Variants in TRDN observed in about 807,000 individuals in gnomAD.
The protein encoded by TRDN is triadin.
Under a neutral mutation model 149.7 loss-of-function variants are expected in TRDN, and 161 were observed. The ratio of observed to expected loss-of-function variants is 1.08; its 90% confidence interval spans 0.95 to 1.23. The LOEUF (loss-of-function observed/expected upper bound fraction) is 1.23, where lower values mean the gene tolerates loss of function less well. TRDN is among the 50% of genes most tolerant of loss of function. The pLI is 0.00. For synonymous variants in TRDN, 294 were observed against 250.5 expected (o/e 1.17, Z -1.64); for missense variants, 896 against 823.5 (o/e 1.09, Z -1.08).
chr6:123,464,586 C>G (rs1427466308), intron 10 of TRDN: 1 of 1,040,896 alleles, frequency 9.6e-7, no homozygotes, highest in Non-Finnish European at 1.2e-6. Context: ...CTAAATTGAT[C>G]AAGTTGTGGT....
At chr6:123,537,947 C>A (rs1489891627) in intron 4 of TRDN, among the ~76,000 whole-genome samples, 2 of 152,066 alleles carry the variant, frequency 1.3e-5, no homozygotes, top group Non-Finnish European at 2.9e-5. Flanking sequence ...ACTTACATGG[C>A]CAGTTTAAAG....
chr6:123,345,897 C>T lies in TRDN; in HGVS notation c.1369+6642G>A, dbSNP rs1292111856. On this transcript the variant is annotated intron_variant, in intron 21 of 40. Transcript: ENST00000334268. ...AACTGACTTTTGCATATTAACTTTG[C>T]GCCCTGAAACCTTGTTATATTCTGT... Among the ~76,000 whole-genome samples, 6 of 152,086 alleles carry T rather than the reference C, an allele frequency of 3.9e-5. No individual in the cohort carries two copies. The South Asian group carries it at 1.0e-3, about 26-fold the overall frequency.
intron 1 of TRDN, among the ~76,000 whole-genome samples, chr6:123,600,303 C>T (rs537815287): frequency 1.4e-4 from 21 of 152,194 alleles, no homozygotes; most frequent in South Asian, 4.2e-4. Flanking sequence ...AGAGTGCTCT[C>T]CCTTCCCTTA....
chr6:123,292,053 A>C (rs1295365538), intron 24 of TRDN, among the ~76,000 whole-genome samples: 1 of 151,758 alleles, frequency 6.6e-6, no homozygotes, highest in African/African-American at 2.4e-5. Flanking sequence ...TAAGTTGCTT[A>C]GAAGGAATTT....
chr6:123,502,757 C>A, intron 8 of TRDN: 5 of 984,812 alleles, frequency 5.1e-6, no homozygotes, highest in Non-Finnish European at 6.0e-6. Flanking sequence ...CCTTAGATAA[C>A]ATTAGTCAAA....
At chr6:123,600,408 C>T (rs948330648) in intron 1 of TRDN, among the ~76,000 whole-genome samples, 5 of 151,862 alleles carry the variant, frequency 3.3e-5, no homozygotes, top group East Asian at 1.9e-4. Context: ...AGGAGGAATG[C>T]CCTCCTCAGA....
chr6:123,416,621 G>T (rs980225268), intron 12 of TRDN, among the ~76,000 whole-genome samples: 1 of 151,672 alleles, frequency 6.6e-6, no homozygotes, highest in African/African-American at 2.4e-5. Context: ...TGCCCTTTAT[G>T]ATTTGTCTCC....
chr6:123,407,538 T>C (rs978547638), intron 12 of TRDN, among the ~76,000 whole-genome samples: 6 of 152,122 alleles, frequency 3.9e-5, no homozygotes, highest in African/African-American at 1.4e-4. Flanking sequence ...TTCAGAGACA[T>C]GTTTCTATCT....
At chr6:123,355,041 A>C (rs1327017464) in intron 20 of TRDN, among the ~76,000 whole-genome samples, 1 of 151,776 alleles carries the variant, frequency 6.6e-6, no homozygotes, top group Non-Finnish European at 1.5e-5. Context: ...ATAATGCCAC[A>C]TGCTTTTCAT....
intron 1 of TRDN, among the ~76,000 whole-genome samples, chr6:123,629,496 T>C (rs1258696711): frequency 6.6e-6 from 1 of 152,124 alleles, no homozygotes; most frequent in Non-Finnish European, 1.5e-5. Context: ...AAACCAAGTT[T>C]CCCCTATAAA....
intron 38 of TRDN, among the ~76,000 whole-genome samples, chr6:123,240,565 T>C (rs974789218): frequency 3.3e-5 from 5 of 151,892 alleles, no homozygotes; most frequent in African/African-American, 1.2e-4. Context: ...TTAATAGTCA[T>C]TTTAGTTTCA....
chr6:123,480,203 A>G (rs571839748), intron 9 of TRDN, among the ~76,000 whole-genome samples: 87 of 151,328 alleles, frequency 5.7e-4, no homozygotes, highest in African/African-American at 2.0e-3. Context: ...ATAATTAAAT[A>G]TCATTAAAAA....
chr6:123,387,927 T>C (rs1056942227), intron 14 of TRDN, among the ~76,000 whole-genome samples: 8 of 152,046 alleles, frequency 5.3e-5, no homozygotes, highest in Non-Finnish European at 1.0e-4. Flanking sequence ...CAAGGAGTGT[T>C]TTATATGTTT....
chr6:123,488,780 T>C (rs1191473677), intron 9 of TRDN: 3 of 151,780 alleles, frequency 2.0e-5, no homozygotes, highest in Non-Finnish European at 4.4e-5. Flanking sequence ...CCTATCTATG[T>C]CTGGGAAACA....
chr6:123,290,875 G>A (rs1777986408), intron 24 of TRDN, among the ~76,000 whole-genome samples: 1 of 152,196 alleles, frequency 6.6e-6, no homozygotes, highest in African/African-American at 2.4e-5. Context: ...AGTACTTTCT[G>A]GCTGGGTGCA....
intron 26 of TRDN, among the ~76,000 whole-genome samples, chr6:123,277,058 C>T (rs963682067): frequency 2.0e-5 from 3 of 152,068 alleles, no homozygotes; most frequent in Non-Finnish European, 4.4e-5. Context: ...TATTTTATTG[C>T]AATTTCTTCC....
At chr6:123,535,924 A>C (rs1367336020) in intron 4 of TRDN, among the ~76,000 whole-genome samples, 2 of 152,166 alleles carry the variant, frequency 1.3e-5, no homozygotes, top group Admixed American at 1.3e-4. Flanking sequence ...TCTATACAAA[A>C]ATATGTGCAT....
intron 1 of TRDN, among the ~76,000 whole-genome samples, chr6:123,620,862 T>TAAAGATGATGTCCATTGGA (rs1785346441): frequency 1.3e-5 from 2 of 151,984 alleles, no homozygotes; most frequent in Non-Finnish European, 2.9e-5. Context: ...CAAGTCAAAT[T>TAAAGATGATGTCCATTGGA]AAAGATGATG....
At chr6:123,325,180 G>A (rs1009980565) in intron 23 of TRDN, among the ~76,000 whole-genome samples, 3 of 151,904 alleles carry the variant, frequency 2.0e-5, no homozygotes, top group African/African-American at 7.3e-5. Flanking sequence ...TATTTTTAGT[G>A]GTTATTAAGT....
Sources: allele counts gnomAD v4.1 joint callset (sites outside exome capture counted in the v4.1 genomes callset), GRCh38; gene constraint gnomAD v4.1.1; transcripts MANE v1.5; gene names NCBI Gene and HGNC (gene_info 2026-07-23, HGNC 2026-07-21).